CBFA2T2: variants seen among roughly 807,000 people sequenced by gnomAD.
CBFA2T2 encodes protein CBFA2T2.
In CBFA2T2, 11 loss-of-function variants were observed where a neutral mutation model predicts 62.2. The ratio of observed to expected loss-of-function variants is 0.18; its 90% CI spans 0.11 to 0.29. CBFA2T2 has a LOEUF of 0.29. CBFA2T2 is among the 10% of genes least tolerant of loss of function. The probability of loss-of-function intolerance (pLI) is 1.00; values close to 1 mark genes in which losing one functional copy is unlikely to be tolerated. For missense variants in CBFA2T2, 592 were observed against 774.1 expected (o/e 0.76, Z 2.79); for synonymous variants, 295 against 287.5 (o/e 1.03, Z -0.27).
rs544269461 is a variant in CBFA2T2, at chr20:33,600,185, T to G, written c.35-6771T>G. Among the ~76,000 whole-genome samples the G allele has an allele frequency of 7.6e-3, 832 of 109,110 alleles. 1 individual carries two copies. The highest frequency in any genetic ancestry group is 0.012 in the Non-Finnish European group (580 of 46,882). 71.6% of individuals were successfully genotyped at this position (109,110 alleles called of 152,430 possible). ...TTAGAATTATCACTTTTGGAAAGTT[T>G]TTTTTTTTTTTTTTTTTTTTTTTTT... is the stretch of plus-strand genomic sequence containing the variant. On this transcript the variant is annotated intron_variant, in intron 1 of 10. Transcript: ENST00000342704.
chr20:33,601,543 G>A (rs1417990614), intron 1 of CBFA2T2, among the ~76,000 whole-genome samples: 1 of 152,154 alleles, frequency 6.6e-6, no homozygotes, highest in Non-Finnish European at 1.5e-5. Flanking sequence ...GGGATTACAG[G>A]CATGAGCCAC....
At chr20:33,547,842 C>T (rs1005428820) in intron 1 of CBFA2T2, among the ~76,000 whole-genome samples, 1 of 152,060 alleles carries the variant, frequency 6.6e-6, no homozygotes, top group African/African-American at 2.4e-5. Flanking sequence ...GATGTAAAAA[C>T]CTCTCTGTGA....
At chr20:33,564,279 T>C (rs908226647) in intron 1 of CBFA2T2, among the ~76,000 whole-genome samples, 11 of 150,004 alleles carry the variant, frequency 7.3e-5, no homozygotes, top group Admixed American at 3.3e-4. Context: ...TTTTTTTTTT[T>C]CCGAGATGGA....
chr20:33,531,331 A>G (rs1016337443), intron 1 of CBFA2T2, among the ~76,000 whole-genome samples: 2 of 152,224 alleles, frequency 1.3e-5, no homozygotes, highest in African/African-American at 2.4e-5. Context: ...TAAAGCTCAG[A>G]GCGGGGAAAG....
intron 3 of CBFA2T2, among the ~76,000 whole-genome samples, chr20:33,617,339 TC>T (rs1192289813): frequency 2.0e-5 from 3 of 152,240 alleles, no homozygotes; most frequent in African/African-American, 7.2e-5. Flanking sequence ...TTGCCTCTTT[TC>T]CCACTAGACT....
intron 1 of CBFA2T2, among the ~76,000 whole-genome samples, chr20:33,559,488 G>C (rs146382224): frequency 1.2e-3 from 180 of 151,020 alleles, no homozygotes; most frequent in African/African-American, 4.2e-3. Context: ...TGTGATTTTT[G>C]TTGTTGTTGT....
intron 1 of CBFA2T2, among the ~76,000 whole-genome samples, chr20:33,598,058 G>T (rs995288464): frequency 1.3e-5 from 2 of 152,236 alleles, no homozygotes; most frequent in East Asian, 3.9e-4. Context: ...GTGCGAATAC[G>T]TGTGGGTCAC....
intron 3 of CBFA2T2, among the ~76,000 whole-genome samples, chr20:33,612,331 C>A (rs553301546): frequency 6.6e-6 from 1 of 152,260 alleles, no homozygotes; most frequent in South Asian, 2.1e-4. Flanking sequence ...GCATTCTGTG[C>A]TCCTTTGTGT....
intron 1 of CBFA2T2, chr20:33,602,016 C>T (rs971434136): frequency 3.3e-5 from 5 of 152,110 alleles, no homozygotes; most frequent in Non-Finnish European, 7.3e-5. Context: ...CTGTGTTGCC[C>T]AGCCTGTTCT....
intron 1 of CBFA2T2, among the ~76,000 whole-genome samples, chr20:33,516,482 T>A (rs1316822886): frequency 6.6e-6 from 1 of 151,782 alleles, no homozygotes; most frequent in Admixed American, 6.6e-5. Context: ...AATATAAAAA[T>A]AAAAAACTAT....
chr20:33,640,527 C>G lies in CBFA2T2; in HGVS notation c.1484C>G (p.Thr495Arg). 1 of 1,613,986 alleles carries G rather than the reference C, an allele frequency of 6.2e-7. No individual in the cohort carries two copies. The highest frequency in any genetic ancestry group is 8.5e-7 in the Non-Finnish European group (1 of 1,179,946). The change falls in exon 10 of 11, where the codon ACG becomes AGG. Residue 495 changes from threonine (T) to arginine (R), a missense_variant. By Grantham distance (71) the Thr-to-Arg change is moderately conservative (BLOSUM62 -1). This residue lies in a region of CBFA2T2 where 58 missense variants were observed against 123.9 expected (regional missense o/e 0.47). Transcript: ENST00000342704. ...GTCATCAATGAGCAAGAGGAGTCCA[C>G]GGAGGTCAGAGCTCTGCGCCCTGGG... ...FLVINEQEES[T>R]ENCWNCGRKA...
At chr20:33,541,641 GT>G (rs902734293) in intron 1 of CBFA2T2, among the ~76,000 whole-genome samples, 3 of 152,050 alleles carry the variant, frequency 2.0e-5, no homozygotes, top group Admixed American at 2.0e-4. Flanking sequence ...TTGTTTGTTT[GT>G]TTTTAGTTCT....
intron 1 of CBFA2T2, among the ~76,000 whole-genome samples, chr20:33,500,841 C>T (rs1172372320): frequency 6.6e-6 from 1 of 152,130 alleles, no homozygotes; most frequent in Non-Finnish European, 1.5e-5. Context: ...AATAAAAAGG[C>T]AACAGAAACT....
intron 1 of CBFA2T2, among the ~76,000 whole-genome samples, chr20:33,541,195 G>C (rs1003529723): frequency 7.2e-5 from 11 of 152,156 alleles, no homozygotes; most frequent in African/African-American, 2.7e-4. Context: ...TTGAAGTCAG[G>C]AACTAGATCT....
At chr20:33,539,064 C>T (rs111953937) in intron 1 of CBFA2T2, among the ~76,000 whole-genome samples, 179 of 152,272 alleles carry the variant, frequency 1.2e-3, no homozygotes, top group African/African-American at 4.2e-3. Context: ...CTTATTCTAG[C>T]CTAGGTCCCA....
At chr20:33,558,386 A>T (rs144012326) in intron 1 of CBFA2T2, among the ~76,000 whole-genome samples, 2 of 152,134 alleles carry the variant, frequency 1.3e-5, no homozygotes. Flanking sequence ...ATCTTCCTCA[A>T]TCTCCCAAGG....
chr20:33,544,931 TGAATAGAATA>T (rs373602068), intron 1 of CBFA2T2, among the ~76,000 whole-genome samples: 28 of 137,074 alleles, frequency 2.0e-4, no homozygotes, highest in Middle Eastern at 3.6e-3. Flanking sequence ...CATGCATGAG[TGAATAGAATA>T]GAACAGAATA....
Position 33,579,969 on chromosome 20 carries a change from C to T in CBFA2T2, c.35-26987C>T, listed in dbSNP as rs182448632. On this transcript the variant is annotated intron_variant, in intron 1 of 10. Coordinates refer to ENST00000342704, the MANE Select transcript of CBFA2T2 (RefSeq NM_001032999.3). ...AGCTGGGATTAGAGGCATGCACCAC[C>T]ATGTCTGACTAATTTTGTATTTTTT... is the stretch of plus-strand genomic sequence containing the variant. Among the ~76,000 whole-genome samples the T allele has an allele frequency of 1.9e-3, 282 of 152,158 alleles. 1 individual carries two copies. The highest frequency in any genetic ancestry group is 6.3e-3 in the African/African-American group (262 of 41,532).
intron 1 of CBFA2T2, among the ~76,000 whole-genome samples, chr20:33,570,909 G>A (rs1282003898): frequency 1.3e-5 from 2 of 152,182 alleles, no homozygotes; most frequent in Admixed American, 6.5e-5. Context: ...AGCAAACTGT[G>A]CTTCTGTCTC....
Sources: gnomAD v4.1 joint callset for allele counts (sites outside exome capture counted in the v4.1 genomes callset) on GRCh38, gnomAD v4.1.1 for gene constraint, gnomAD v4.1.1 regional missense constraint, MANE v1.5 for transcripts, NCBI Gene and HGNC (gene_info 2026-07-23, HGNC 2026-07-21) for gene names.